The following STARD13 variants were observed in gnomAD, a reference collection of about 807,000 sequenced individuals.
STARD13 encodes stAR-related lipid transfer protein 13.
A neutral mutation model predicts 106.4 loss-of-function variants in STARD13; 62 were observed. The observed-to-expected ratio is 0.58, with a 90% CI of 0.48 to 0.72. The LOEUF (loss-of-function observed/expected upper bound fraction) is 0.72, where lower values mean the gene tolerates loss of function less well. STARD13 is among the 30% of genes least tolerant of loss of function. STARD13 has a pLI of 0.00. For missense variants in STARD13, 1,387 were observed against 1,424.0 expected, an observed-to-expected ratio of 0.97 and a Z score of 0.42; for synonymous variants, 565 against 553.0, an observed-to-expected ratio of 1.02 and a Z score of -0.31.
At chr13:33,294,095 G>C (rs1360528762) in intron 1 of STARD13, among the ~76,000 whole-genome samples, 1 of 152,206 alleles carries the variant, frequency 6.6e-6, no homozygotes, top group African/African-American at 2.4e-5. Flanking sequence ...CTGGAGGGAT[G>C]AGCAAACCTC....
chr13:33,305,049 T>C (rs914846892), intron 1 of STARD13, among the ~76,000 whole-genome samples: 1 of 152,218 alleles, frequency 6.6e-6, no homozygotes, highest in Non-Finnish European at 1.5e-5. Flanking sequence ...TGAGAGATAT[T>C]AGCCCCAAGC....
rs1472001196 is a variant in STARD13 at position 33,129,054 on chromosome 13, G to A, written c.1623C>T (p.Val541=). Residue 541 remains valine, a synonymous_variant, in exon 5 of 14, where the codon GTC becomes GTT. Coordinates refer to ENST00000336934, the MANE Select transcript of STARD13 (RefSeq NM_178006.4). The part of the protein sequence containing the change: ...QITLDFEGNS[V]SEGRTTPSDV... Reference sequence around the variant, plus strand: ...CACTGGGTGTCGTCCGACCTTCTGAGACAGAGTTACCTTCAAAATCTAAGG... The same window carrying A: ...CACTGGGTGTCGTCCGACCTTCTGAAACAGAGTTACCTTCAAAATCTAAGG... The A allele has an allele frequency of 6.2e-7, 1 of 1,614,116 alleles. No individual in the cohort carries two copies. The highest frequency in any genetic ancestry group is 8.5e-7 in the Non-Finnish European group (1 of 1,180,026).
chr13:33,465,767 G>A, the STARD13 span, among the ~76,000 whole-genome samples: 1 of 152,034 alleles, frequency 6.6e-6, no homozygotes, highest in Non-Finnish European at 1.5e-5. Context: ...TACACTATAT[G>A]TTACATATTG....
At chr13:33,318,456 G>A (rs982785546) in intron 1 of STARD13, among the ~76,000 whole-genome samples, 4 of 152,148 alleles carry the variant, frequency 2.6e-5, no homozygotes, top group African/African-American at 9.7e-5. Flanking sequence ...AGCCCTAAGT[G>A]TAAGAGTTAA....
At chr13:33,389,977 C>T in the STARD13 span, among the ~76,000 whole-genome samples, 1 of 152,026 alleles carries the variant, frequency 6.6e-6, no homozygotes, top group Non-Finnish European at 1.5e-5. Context: ...GTTGAAGAAA[C>T]AGAAATGAGA....
the STARD13 span, among the ~76,000 whole-genome samples, chr13:33,490,939 C>T: frequency 6.6e-6 from 1 of 152,190 alleles, no homozygotes; most frequent in East Asian, 1.9e-4. Flanking sequence ...CTGCACCTGC[C>T]CATCTGCATG....
chr13:33,176,566 A>AGTTT (rs1429788735), intron 1 of STARD13, among the ~76,000 whole-genome samples: 1 of 152,184 alleles, frequency 6.6e-6, no homozygotes, highest in Non-Finnish European at 1.5e-5. Flanking sequence ...TTTTATTTGC[A>AGTTT]GTTTGTTAAT....
At chr13:33,534,560 A>G in the STARD13 span, among the ~76,000 whole-genome samples, 1 of 152,174 alleles carries the variant, frequency 6.6e-6, no homozygotes, top group African/African-American at 2.4e-5. Context: ...TTTTTCATAC[A>G]TGTATTTTGT....
the STARD13 span, among the ~76,000 whole-genome samples, chr13:33,528,426 G>A: frequency 2.7e-5 from 4 of 150,404 alleles, no homozygotes; most frequent in East Asian, 7.8e-4. Flanking sequence ...GTGCCACCAT[G>A]GCTGGCCAAC....
intron 1 of STARD13, among the ~76,000 whole-genome samples, chr13:33,260,875 T>C (rs1457370408): frequency 2.0e-5 from 3 of 152,232 alleles, no homozygotes; most frequent in African/African-American, 7.2e-5. Flanking sequence ...GGAAATCTGA[T>C]AAGTTCAAGA....
intron 7 of STARD13, among the ~76,000 whole-genome samples, chr13:33,119,969 T>C (rs1386099522): frequency 1.3e-5 from 2 of 152,218 alleles, no homozygotes; most frequent in Admixed American, 6.5e-5. Flanking sequence ...TGAGTGATTA[T>C]TGGGGTGAGA....
At chr13:33,503,375 A>G in the STARD13 span, among the ~76,000 whole-genome samples, 4 of 151,810 alleles carry the variant, frequency 2.6e-5, no homozygotes, top group African/African-American at 9.7e-5. Context: ...TTGTGTCTCT[A>G]TCTCCTTCAG....
chr13:33,504,211 T>G, the STARD13 span, among the ~76,000 whole-genome samples: 6 of 152,082 alleles, frequency 3.9e-5, no homozygotes, highest in Admixed American at 3.3e-4. Context: ...TCCTCAAGGA[T>G]CTAGAACTAG....
chr13:33,122,507 C>T (rs568458053), intron 7 of STARD13, among the ~76,000 whole-genome samples: 2 of 152,354 alleles, frequency 1.3e-5, no homozygotes, highest in African/African-American at 4.8e-5. Flanking sequence ...AGTGATCCCA[C>T]ATTTTCTCTT....
chr13:33,333,904 G>T (rs994617875), intron 1 of STARD13: 4 of 152,130 alleles, frequency 2.6e-5, no homozygotes, highest in Non-Finnish European at 5.9e-5. Context: ...TTGAAGTTGG[G>T]CTGTAATCTC....
chr13:33,142,774 C>T (rs188523064), intron 3 of STARD13, among the ~76,000 whole-genome samples: 1 of 152,242 alleles, frequency 6.6e-6, no homozygotes, highest in Non-Finnish European at 1.5e-5. Flanking sequence ...TGTATCTTCT[C>T]TCCTGATCTC....
the STARD13 span, among the ~76,000 whole-genome samples, chr13:33,504,650 A>G: frequency 0.027 from 4,092 of 151,962 alleles, 183 homozygotes; most frequent in African/African-American, 0.091. Context: ...GATATACCTA[A>G]CGTAAATGAC....
chr13:33,112,177 G>A (rs1874679655), intron 9 of STARD13, among the ~76,000 whole-genome samples: 2 of 152,178 alleles, frequency 1.3e-5, no homozygotes, highest in South Asian at 4.2e-4. Flanking sequence ...GCAAGCTCCT[G>A]TGCTTTGGTC....
the STARD13 span, among the ~76,000 whole-genome samples, chr13:33,425,551 C>G: frequency 6.6e-6 from 1 of 152,154 alleles, no homozygotes; most frequent in Non-Finnish European, 1.5e-5. Flanking sequence ...GGATCTTTCA[C>G]TAGAACTTAG....
Sources: allele counts gnomAD v4.1 joint callset (sites outside exome capture counted in the v4.1 genomes callset), GRCh38; gene constraint gnomAD v4.1.1; transcripts MANE v1.5; gene names NCBI Gene and HGNC (gene_info 2026-07-23, HGNC 2026-07-21).